The following IFT80 variants were observed in gnomAD, a reference collection of about 807,000 sequenced individuals.
The protein encoded by IFT80 is intraflagellar transport 80.
Under a neutral mutation model 107.9 loss-of-function variants are expected in IFT80, and 79 were observed. That is an observed-to-expected ratio of 0.73 (90% CI 0.61 to 0.88). IFT80 has a LOEUF of 0.88. IFT80 is among the 40% of genes least tolerant of loss of function. The probability of loss-of-function intolerance (pLI) is 0.00; values close to 1 mark genes in which losing one functional copy is unlikely to be tolerated. For missense variants in IFT80, 797 were observed against 914.2 expected, an observed-to-expected ratio of 0.87 and a Z score of 1.65; for synonymous variants, 299 against 300.9, an observed-to-expected ratio of 0.99 and a Z score of 0.07.
chr3:160,342,542 C>T (rs972944529), intron 8 of IFT80: 5 of 152,122 alleles, frequency 3.3e-5, no homozygotes, highest in African/African-American at 1.2e-4. Flanking sequence ...AGTATCTCTT[C>T]AATGCCAACC....
intron 1 of IFT80, among the ~76,000 whole-genome samples, chr3:160,386,471 G>A (rs2108412160): frequency 6.6e-6 from 1 of 152,238 alleles, no homozygotes; most frequent in South Asian, 2.1e-4. Flanking sequence ...GAGGGTATAG[G>A]TAACTTTGCA....
chr3:160,326,598 GA>G (rs1302994188), intron 8 of IFT80, among the ~76,000 whole-genome samples: 2 of 152,084 alleles, frequency 1.3e-5, no homozygotes, highest in Admixed American at 6.6e-5. Flanking sequence ...AATAGATGCA[GA>G]AAAGGCTTCC....
At chr3:160,321,665 T>C (rs911223943) in intron 8 of IFT80, among the ~76,000 whole-genome samples, 3 of 151,902 alleles carry the variant, frequency 2.0e-5, no homozygotes, top group Admixed American at 1.3e-4. Context: ...AGAACAATTA[T>C]AAAAATATAC....
intron 10 of IFT80, among the ~76,000 whole-genome samples, chr3:160,304,865 T>A (rs1716724807): frequency 2.0e-5 from 3 of 152,142 alleles, no homozygotes; most frequent in Non-Finnish European, 4.4e-5. Flanking sequence ...GAAACTGTAA[T>A]AACAGTAATA....
At chr3:160,275,501 T>C (rs1234580606) in intron 18 of IFT80, among the ~76,000 whole-genome samples, 2 of 152,246 alleles carry the variant, frequency 1.3e-5, no homozygotes, top group Admixed American at 1.3e-4. Context: ...AGAAACATTT[T>C]ACATTACCTT....
rs1718162450 is a variant in IFT80 at position 160,320,873 on chromosome 3, A to G, written c.778-934T>C. On this transcript the variant is annotated intron_variant, in intron 8 of 19. Transcript: ENST00000326448. ...CAAATCTAGGGGAATGGAAAAATAT[A>G]AAGATTTACTAATTGATGCTATTAC... 3.3e-5 allele frequency among the ~76,000 whole-genome samples: 5 copies of G among 151,888 alleles called. No individual in the cohort carries two copies. The South Asian group carries it at 1.0e-3, about 31-fold the overall frequency.
chr3:160,288,720 G>C (rs1304272360), intron 12 of IFT80, among the ~76,000 whole-genome samples: 1 of 152,084 alleles, frequency 6.6e-6, no homozygotes, highest in Admixed American at 6.5e-5. Context: ...ACAAACATAT[G>C]AACAAAATAG....
chr3:160,268,994 C>G (rs1713578401), intron 18 of IFT80, among the ~76,000 whole-genome samples: 1 of 151,902 alleles, frequency 6.6e-6, no homozygotes, highest in African/African-American at 2.4e-5. Flanking sequence ...TTTGGGAGGC[C>G]AAGGTGGGAG....
intron 12 of IFT80, among the ~76,000 whole-genome samples, chr3:160,295,917 A>T (rs1425490474): frequency 6.6e-6 from 1 of 152,216 alleles, no homozygotes; most frequent in East Asian, 1.9e-4. Flanking sequence ...ATATTGCATG[A>T]TTCCACCTAT....
intron 11 of IFT80, among the ~76,000 whole-genome samples, chr3:160,302,584 C>T (rs1363589354): frequency 6.6e-6 from 1 of 151,822 alleles, no homozygotes; most frequent in African/African-American, 2.4e-5. Context: ...AATTTTTTGG[C>T]TATTTATGCC....
At chr3:160,268,582 C>T in intron 18 of IFT80, 46 bp from the exon 19 acceptor site, 1 of 1,590,014 alleles carries the variant, frequency 6.3e-7, no homozygotes, top group Non-Finnish European at 8.6e-7. Context: ...TTGTGTCAGA[C>T]TCCATGAGTA....
intron 11 of IFT80, 93 bp from the exon 12 acceptor site, chr3:160,301,139 A>G (rs1716393752): frequency 5.9e-6 from 7 of 1,184,904 alleles, no homozygotes; most frequent in African/African-American, 3.2e-5. Flanking sequence ...GGGAAAAAAA[A>G]TCTAAATCTT....
rs534654516 is a variant in IFT80, at chr3:160,382,796, T to C, written c.38-1072A>G. 9.4e-4 allele frequency among the ~76,000 whole-genome samples: 143 copies of C among 152,304 alleles called. No individual in the cohort carries two copies. In the Middle Eastern group the frequency reaches 0.01, roughly 11 times the overall value. On this transcript the variant is annotated intron_variant, in intron 2 of 19. Coordinates refer to ENST00000326448, the MANE Select transcript of IFT80 (RefSeq NM_020800.3). ...AGGAAATGCAGACAATGCGCCTAAT[T>C]ATTCTAGGATGTTCCAAGATTTTTT...
chr3:160,326,494 A>G (rs1718686849), intron 8 of IFT80, among the ~76,000 whole-genome samples: 2 of 152,160 alleles, frequency 1.3e-5, no homozygotes, highest in South Asian at 4.2e-4. Context: ...AGTAGGCTTC[A>G]TTCCCAGATA....
At position 160,282,633 on chromosome 3, in the gene IFT80, T is replaced by G. The variant is rs372179488; in HGVS notation, c.1381-20A>C. The G allele has an allele frequency of 4.8e-6, 7 of 1,452,918 alleles. No individual in the cohort carries two copies. The African/African-American group carries it at 9.8e-5, about 20-fold the overall frequency. 90.0% of individuals were successfully genotyped at this position (1,452,918 alleles called of 1,614,324 possible). ...TTCATTCTAAAATTTTTTTTAAATG[T>G]AAATACTGGGTTAGTTTTAGTGTTT... On this transcript the variant is annotated intron_variant, in intron 13 of 19. Coordinates refer to ENST00000326448, the MANE Select transcript of IFT80 (RefSeq NM_020800.3).
Position 160,356,004 on chromosome 3 carries a change from A to C in IFT80, c.777+9T>G. ...AGCACATCTGTGATTGCTCACCACT[A>C]TAACTTACCCCAGTTTTATCACACA... is the stretch of plus-strand genomic sequence containing the variant. On this transcript the variant is annotated intron_variant, in intron 8 of 19. Coordinates refer to ENST00000326448, the MANE Select transcript of IFT80 (RefSeq NM_020800.3). 6.2e-7 allele frequency: 1 copy of C among 1,613,900 alleles called. No individual in the cohort carries two copies. Among genetic ancestry groups the C allele is most frequent in the Non-Finnish European group, 8.5e-7 (1 of 1,179,826 alleles).
At position 160,282,504 on chromosome 3, in the gene IFT80, C is replaced by A; in HGVS notation, c.1490G>T (p.Gly497Val). 2 of 1,594,406 alleles carry A rather than the reference C, an allele frequency of 1.3e-6. No homozygotes were observed. Among genetic ancestry groups the A allele is most frequent in the African/African-American group, 1.3e-5 (1 of 74,478 alleles). ...DLCITSVKRFGKEEQIIKLGT... is the reference protein window; with the variant it reads ...DLCITSVKRFVKEEQIIKLGT... Reference sequence around the variant, plus strand: ...AAGCTTGATAATTTGTTCTTCCTTCCCAAATCGTTTCACAGAAGTGATACA... The same window carrying A: ...AAGCTTGATAATTTGTTCTTCCTTCACAAATCGTTTCACAGAAGTGATACA... The change falls in exon 14 of 20, where the codon GGG (glycine) becomes GTG (valine). Residue 497 changes from glycine (G) to valine (V), a missense_variant. Transcript: ENST00000326448.
intron 15 of IFT80, among the ~76,000 whole-genome samples, chr3:160,279,908 T>C (rs528655173): frequency 2.6e-5 from 4 of 152,124 alleles, no homozygotes; most frequent in Non-Finnish European, 4.4e-5. Flanking sequence ...GGCAACAGAG[T>C]GTGACCTTGA....
intron 8 of IFT80, among the ~76,000 whole-genome samples, chr3:160,338,034 T>C (rs1273985416): frequency 6.6e-6 from 1 of 152,174 alleles, no homozygotes; most frequent in Non-Finnish European, 1.5e-5. Flanking sequence ...CTAAATTCTC[T>C]ATCACTTTCT....
Sources: allele counts gnomAD v4.1 joint callset (sites outside exome capture counted in the v4.1 genomes callset), GRCh38; gene constraint gnomAD v4.1.1; transcripts MANE v1.5; gene names NCBI Gene and HGNC (gene_info 2026-07-23, HGNC 2026-07-21).